Variants in ERBIN observed in about 807,000 individuals in gnomAD.
The protein encoded by ERBIN is erbb2 interacting protein, also known as densin-180-like protein.
ERBIN carries 60 observed loss-of-function variants against 158.4 expected under a neutral mutation model. The ratio of observed to expected loss-of-function variants is 0.38; its 90% CI spans 0.31 to 0.47. The LOEUF (loss-of-function observed/expected upper bound fraction) is 0.47, where lower values mean the gene tolerates loss of function less well. Among genes scored for constraint, ERBIN ranks in the 20% least tolerant of loss-of-function variants. The pLI is 0.99. For missense variants in ERBIN, 1,610 were observed against 1,648.0 expected, an observed-to-expected ratio of 0.98 and a Z score of 0.40; for synonymous variants, 594 against 557.2, an observed-to-expected ratio of 1.07 and a Z score of -0.93.
intron 23 of ERBIN, 180 bp from the exon 24 acceptor site, chr5:66,076,136 C>G: frequency 1.7e-6 from 1 of 576,698 alleles, no homozygotes. Context: ...CTTTAACTCA[C>G]TAACTCATTA....
At position 66,053,915 on chromosome 5, in the gene ERBIN, C is replaced by G. The variant is rs1759310107; in HGVS notation, c.2597C>G (p.Ser866Cys). The G allele has an allele frequency of 1.9e-6, 3 of 1,614,084 alleles. No individual in the cohort carries two copies. The highest frequency in any genetic ancestry group is 1.3e-5 in the African/African-American group (1 of 75,034). Residue 866 changes from serine (S) to cysteine (C), a missense_variant, in exon 21 of 26, where the codon TCT (serine) becomes TGT (cysteine). This residue lies in a region of ERBIN where 1,014 missense variants were observed against 936.1 expected (regional missense o/e 1.08). Coordinates refer to ENST00000284037, the MANE Select transcript of ERBIN (RefSeq NM_001253697.2). ...LSPQKSGPVG[S>C]VVKSHSITNM... ...CCTCAGAAAAGTGGTCCAGTTGGATCTGTTGTGAAATCTCATAGCATAACT... is the reference window on the plus strand; with the variant it reads ...CCTCAGAAAAGTGGTCCAGTTGGATGTGTTGTGAAATCTCATAGCATAACT...
At chr5:65,958,479 G>C (rs925897830) in intron 1 of ERBIN, among the ~76,000 whole-genome samples, 13 of 152,194 alleles carry the variant, frequency 8.5e-5, no homozygotes, top group Admixed American at 6.5e-4. Flanking sequence ...AAACCAGTCA[G>C]GCGGGGCGGT....
At chr5:66,021,207 C>T in intron 7 of ERBIN, 115 bp from the exon 8 acceptor site, 1 of 509,878 alleles carries the variant, frequency 2.0e-6, no homozygotes, top group Admixed American at 4.0e-5. Flanking sequence ...ATTTTGTCAA[C>T]ATGTGAAAGC....
intron 15 of ERBIN, among the ~76,000 whole-genome samples, chr5:66,039,482 A>C (rs765237718): frequency 3.9e-5 from 6 of 151,998 alleles, no homozygotes; most frequent in Non-Finnish European, 5.9e-5. Context: ...GAGACAAAGA[A>C]AAGTAGGAAA....
chr5:66,059,998 T>C (rs1200146860), intron 21 of ERBIN, among the ~76,000 whole-genome samples: 1 of 152,238 alleles, frequency 6.6e-6, no homozygotes, highest in East Asian at 1.9e-4. Flanking sequence ...TCTAAAATTC[T>C]CTTTTTTGGT....
At chr5:65,986,360 T>C (rs1751236494) in intron 1 of ERBIN, among the ~76,000 whole-genome samples, 1 of 152,242 alleles carries the variant, frequency 6.6e-6, no homozygotes. Flanking sequence ...CAGACTGTCA[T>C]GTCTGTGGGA....
At chr5:65,929,537 G>A (rs533216889) in intron 1 of ERBIN, among the ~76,000 whole-genome samples, 1 of 151,550 alleles carries the variant, frequency 6.6e-6, no homozygotes, top group East Asian at 1.9e-4. Context: ...TCTTTGCCTT[G>A]CTCATTCATT....
At chr5:66,041,825 G>GTA (rs1285399822) in intron 15 of ERBIN, among the ~76,000 whole-genome samples, 1 of 151,876 alleles carries the variant, frequency 6.6e-6, no homozygotes, top group African/African-American at 2.4e-5. Context: ...TACCACAAAA[G>GTA]TATGTCAGTA....
rs1561304820 is a variant in ERBIN at position 65,965,379 on chromosome 5, G to GTTTTTTTTTT, written c.-57-23254_-57-23253insTTTTTTTTTT. ...GCTGTTCTTACCAGATTTGTTTTTT[G>GTTTTTTTTTT]TTGTTTTTTTTTTTTTTTTTTTTTT... On this transcript the variant is annotated intron_variant, in intron 1 of 25. Coordinates refer to ENST00000284037, the MANE Select transcript of ERBIN (RefSeq NM_001253697.2). 1.9e-4 allele frequency among the ~76,000 whole-genome samples: 20 copies of GTTTTTTTTTT among 103,660 alleles called. 1 individual carries two copies. Among genetic ancestry groups the GTTTTTTTTTT allele is most frequent in the Admixed American group, 8.5e-4 (7 of 8,258 alleles). The allele number at this position is 103,660 out of a possible 152,430, so 68.0% of individuals were successfully genotyped here.
At chr5:65,983,307 T>G (rs1391243844) in intron 1 of ERBIN, among the ~76,000 whole-genome samples, 3 of 152,242 alleles carry the variant, frequency 2.0e-5, no homozygotes, top group African/African-American at 7.2e-5. Flanking sequence ...ATTTCTTGTA[T>G]ATGTTGTAGG....
At chr5:65,973,832 T>C (rs1023818309) in intron 1 of ERBIN, among the ~76,000 whole-genome samples, 1 of 151,292 alleles carries the variant, frequency 6.6e-6, no homozygotes, top group Non-Finnish European at 1.5e-5. Flanking sequence ...TTTTTTAGGT[T>C]TTTAAAGGGG....
At chr5:65,982,640 A>T (rs1750781274) in intron 1 of ERBIN, among the ~76,000 whole-genome samples, 1 of 150,266 alleles carries the variant, frequency 6.7e-6, no homozygotes, top group South Asian at 2.1e-4. Flanking sequence ...AATGCAAAAT[A>T]AAAACCAGAT....
chr5:65,973,968 C>G (rs962159913), intron 1 of ERBIN, among the ~76,000 whole-genome samples: 1 of 151,316 alleles, frequency 6.6e-6, no homozygotes, highest in Non-Finnish European at 1.5e-5. Context: ...GGCGCTGTGA[C>G]TCATGCTTGT....
intron 3 of ERBIN, 108 bp from the exon 4 acceptor site, chr5:65,994,639 G>A: frequency 1.6e-6 from 1 of 609,028 alleles, no homozygotes; most frequent in Non-Finnish European, 2.9e-6. Context: ...CCTGGTATTA[G>A]TGTAGGTTAT....
At chr5:65,972,913 C>T (rs1749425000) in intron 1 of ERBIN, among the ~76,000 whole-genome samples, 1 of 151,258 alleles carries the variant, frequency 6.6e-6, no homozygotes, top group Non-Finnish European at 1.5e-5. Context: ...AGAACTTCAA[C>T]CTGACCTCTC....
intron 1 of ERBIN, among the ~76,000 whole-genome samples, chr5:65,987,798 T>G (rs1175661948): frequency 1.3e-5 from 2 of 151,144 alleles, no homozygotes; most frequent in Non-Finnish European, 2.9e-5. Flanking sequence ...TGAGCTGAGA[T>G]TGTACCACTG....
At chr5:65,949,843 A>G in intron 1 of ERBIN, among the ~76,000 whole-genome samples, 1 of 151,906 alleles carries the variant, frequency 6.6e-6, no homozygotes, top group Non-Finnish European at 1.5e-5. Flanking sequence ...TATTTTTTTA[A>G]TTTTCATTTT....
chr5:66,076,376 G>T lies in ERBIN; in HGVS notation c.4024G>T (p.Gly1342Cys), dbSNP rs1169789182. The part of the protein sequence containing the change: ...LGFSISGGVG[G>C]RGNPFRPDDD... ...ATTTAGCATATCAGGTGGTGTCGGGGGTAGAGGAAACCCATTCAGACCTGA... is the reference window on the plus strand; with the variant it reads ...ATTTAGCATATCAGGTGGTGTCGGGTGTAGAGGAAACCCATTCAGACCTGA... Residue 1342 changes from glycine to cysteine, a missense_variant, in exon 24 of 26, where the codon GGT becomes TGT. Gly to Cys is a radical substitution (Grantham distance 159). Transcript: ENST00000284037. 1.2e-6 allele frequency: 2 copies of T among 1,613,224 alleles called. No homozygotes were observed. Among genetic ancestry groups the T allele is most frequent in the South Asian group, 1.1e-5 (1 of 90,978 alleles).
intron 1 of ERBIN, among the ~76,000 whole-genome samples, chr5:65,975,850 A>G (rs1480486520): frequency 6.6e-6 from 1 of 152,232 alleles, no homozygotes; most frequent in Non-Finnish European, 1.5e-5. Flanking sequence ...TGCTTGGTAT[A>G]GCATATTGCT....
Sources: allele counts gnomAD v4.1 joint callset (sites outside exome capture counted in the v4.1 genomes callset), GRCh38; gene constraint gnomAD v4.1.1; regional missense constraint gnomAD v4.1.1; transcripts MANE v1.5; gene names NCBI Gene and HGNC (gene_info 2026-07-23, HGNC 2026-07-21).